The following WLS variants were observed in gnomAD, a reference collection of about 807,000 sequenced individuals.
WLS encodes the protein protein wntless homolog.
In WLS, 23 loss-of-function variants were observed where a neutral mutation model predicts 62.8. That is an observed-to-expected ratio of 0.37 (90% CI 0.26 to 0.52). The LOEUF is 0.52. Among genes scored for constraint, WLS ranks in the 20% least tolerant of loss-of-function variants. The pLI is 0.92. For synonymous variants in WLS, 246 were observed against 244.1 expected (o/e 1.01, Z -0.07); for missense variants, 615 against 697.3 (o/e 0.88, Z 1.33).
chr1:68,124,206 C>T (rs1227329187), downstream of WLS, among the ~76,000 whole-genome samples: 1 of 152,192 alleles, frequency 6.6e-6, no homozygotes, highest in Admixed American at 6.5e-5. Flanking sequence ...TCTCTGTGAT[C>T]TCTTTTCTGG....
chr1:68,128,903 A>T (rs185681998), intron 11 of WLS, among the ~76,000 whole-genome samples: 11 of 150,402 alleles, frequency 7.3e-5, no homozygotes, highest in Admixed American at 6.0e-4. Flanking sequence ...GATTCAAATA[A>T]ATAGGTGCCA....
chr1:68,169,615 G>A (rs560194941), intron 2 of WLS, among the ~76,000 whole-genome samples: 1 of 152,198 alleles, frequency 6.6e-6, no homozygotes, highest in Admixed American at 6.5e-5. Context: ...AACTCTACTA[G>A]GTGTCTTTCA....
At chr1:68,168,374 C>A (rs1030329146) in intron 2 of WLS, among the ~76,000 whole-genome samples, 1 of 152,174 alleles carries the variant, frequency 6.6e-6, no homozygotes, top group African/African-American at 2.4e-5. Context: ...TTTGAATTCT[C>A]CTTTTATGAC....
intron 10 of WLS, among the ~76,000 whole-genome samples, chr1:68,139,018 C>T (rs1646650187): frequency 1.3e-5 from 2 of 152,264 alleles, no homozygotes; most frequent in South Asian, 4.1e-4. Flanking sequence ...CCACTTGGGG[C>T]CCTAGGCCAA....
chr1:68,160,071 CTT>C (rs58448910), intron 2 of WLS, among the ~76,000 whole-genome samples: 2,568 of 93,510 alleles, frequency 0.027, 27 homozygotes, highest in Middle Eastern at 0.056. Flanking sequence ...GCAGAGAAGT[CTT>C]TTTTTTTTTT....
chr1:68,112,306 A>C (rs1213387048), intron 11 of WLS, among the ~76,000 whole-genome samples: 1 of 152,112 alleles, frequency 6.6e-6, no homozygotes, highest in Non-Finnish European at 1.5e-5. Context: ...CTCATTCTCT[A>C]CCAATTCAGC....
At chr1:68,217,386 G>A (rs1341711428) in intron 1 of WLS, among the ~76,000 whole-genome samples, 1 of 152,146 alleles carries the variant, frequency 6.6e-6, no homozygotes, top group African/African-American at 2.4e-5. Flanking sequence ...ATGGACTTCT[G>A]CTTCATTACA....
chr1:68,198,999 G>A (rs1299323024), intron 1 of WLS, among the ~76,000 whole-genome samples: 1 of 152,100 alleles, frequency 6.6e-6, no homozygotes, highest in Non-Finnish European at 1.5e-5. Context: ...CATTTATCAT[G>A]CTTAAAATTG....
intron 5 of WLS, among the ~76,000 whole-genome samples, chr1:68,150,695 A>G (rs911553087): frequency 1.3e-5 from 2 of 152,138 alleles, no homozygotes; most frequent in African/African-American, 4.8e-5. Flanking sequence ...TCTTTCACCT[A>G]TTCAGGTTAT....
At chr1:68,122,129 T>C (rs572053195), downstream of WLS, among the ~76,000 whole-genome samples, 25 of 152,334 alleles carry the variant, frequency 1.6e-4, no homozygotes, top group Admixed American at 4.6e-4. Flanking sequence ...GGAAGCCTGA[T>C]TCAATTTGAA....
At chr1:68,150,405 A>C (rs1487459596) in intron 5 of WLS, 49 bp from the exon 6 acceptor site, 1 of 1,601,634 alleles carries the variant, frequency 6.2e-7, no homozygotes, top group Non-Finnish European at 8.5e-7. Context: ...TCTGGAAGGC[A>C]GATTTTCAAA....
chr1:68,128,756 C>G (rs979140755), intron 11 of WLS, among the ~76,000 whole-genome samples: 1 of 152,150 alleles, frequency 6.6e-6, no homozygotes, highest in Non-Finnish European at 1.5e-5. Flanking sequence ...AAATACTGTA[C>G]AAATATTAAT....
intron 6 of WLS, among the ~76,000 whole-genome samples, chr1:68,149,274 C>T (rs1025036175): frequency 2.0e-5 from 3 of 152,192 alleles, no homozygotes; most frequent in Admixed American, 6.5e-5. Flanking sequence ...CAGCTCCCTG[C>T]GGACAATCCT....
chr1:68,121,437 G>A (rs956732116), downstream of WLS, among the ~76,000 whole-genome samples: 2 of 152,186 alleles, frequency 1.3e-5, no homozygotes, highest in Non-Finnish European at 2.9e-5. Context: ...TGAGAGATCA[G>A]TGTGTTGTCA....
chr1:68,212,930 C>T (rs1649573007), intron 1 of WLS, among the ~76,000 whole-genome samples: 1 of 152,146 alleles, frequency 6.6e-6, no homozygotes, highest in African/African-American at 2.4e-5. Context: ...TCTCGTGCCT[C>T]TTTGTATTCT....
At position 68,161,337 on chromosome 1, in the gene WLS, T is replaced by C. The variant is rs552048691; in HGVS notation, c.380-2090A>G. Among the ~76,000 whole-genome samples, 55 of 152,346 alleles carry C rather than the reference T, an allele frequency of 3.6e-4. 2 individuals carry two copies. In the South Asian group the frequency reaches 0.011, roughly 32 times the overall value. ...TTAGCAAAAGGAGGTCACCAGCCCCTGTAGACTTAAGGGACTCAAGTCACA... is the reference window on the plus strand; with the variant it reads ...TTAGCAAAAGGAGGTCACCAGCCCCCGTAGACTTAAGGGACTCAAGTCACA... On this transcript the variant is annotated intron_variant, in intron 2 of 11. Coordinates refer to ENST00000262348, the MANE Select transcript of WLS (RefSeq NM_024911.7).
intron 1 of WLS, among the ~76,000 whole-genome samples, chr1:68,199,632 T>A (rs556977036): frequency 6.6e-6 from 1 of 152,308 alleles, no homozygotes; most frequent in South Asian, 2.1e-4. Flanking sequence ...ACCCTTGCCT[T>A]TTCTAATCAG....
At chr1:68,145,702 C>T (rs576591707) in intron 9 of WLS, among the ~76,000 whole-genome samples, 167 bp downstream of exon 9, 7 of 152,260 alleles carry the variant, frequency 4.6e-5, no homozygotes, top group African/African-American at 1.2e-4. Flanking sequence ...CTAGATGCTT[C>T]TCAGAGTAAG....
In WLS at chr1:68,125,872, C is replaced by T. The variant is rs1214394573; in HGVS notation, c.*354G>A. The T allele has an allele frequency of 9.6e-7, 1 of 1,041,878 alleles. No individual in the cohort carries two copies. The highest frequency in any genetic ancestry group is 1.2e-6 in the Non-Finnish European group (1 of 866,266). 64.5% of individuals were successfully genotyped at this position (1,041,878 alleles called of 1,614,324 possible). A position where few individuals can be genotyped will look rare whatever the true frequency, so the allele number is the denominator to read the frequency against. On this transcript the variant is annotated 3_prime_UTR_variant, in exon 12 of 12. Coordinates refer to ENST00000262348, the MANE Select transcript of WLS (RefSeq NM_024911.7). ...CAGGAAAAATGTCAAATATTCCACTCCCCATTCGGCCCAAACCATCCCCCA... is the reference window on the plus strand; with the variant it reads ...CAGGAAAAATGTCAAATATTCCACTTCCCATTCGGCCCAAACCATCCCCCA...
Sources: allele counts gnomAD v4.1 joint callset (sites outside exome capture counted in the v4.1 genomes callset), GRCh38; gene constraint gnomAD v4.1.1; transcripts MANE v1.5; gene names NCBI Gene and HGNC (gene_info 2026-07-23, HGNC 2026-07-21).